LYPLAL1: variants seen among roughly 807,000 people sequenced by gnomAD.
The protein encoded by LYPLAL1 is lysophospholipase-like protein 1.
LYPLAL1 carries 23 observed loss-of-function variants against 19.7 expected under a neutral mutation model. That is an observed-to-expected ratio of 1.17 (90% CI 0.84 to 1.65). LYPLAL1 has a LOEUF of 1.65. Among genes scored for constraint, LYPLAL1 ranks in the 40% most tolerant of loss-of-function variants. LYPLAL1 has a pLI of 0.00. For synonymous variants in LYPLAL1, 119 were observed against 96.3 expected (o/e 1.24, Z -1.38); for missense variants, 355 against 279.4 (o/e 1.27, Z -1.93).
chr1:219,257,025 T>C, the LYPLAL1 span, among the ~76,000 whole-genome samples: 2 of 152,046 alleles, frequency 1.3e-5, no homozygotes, highest in African/African-American at 4.8e-5. Context: ...AAAACAAATA[T>C]GTATTTTGTT....
At chr1:219,326,102 C>T in the LYPLAL1 span, among the ~76,000 whole-genome samples, 22 of 152,044 alleles carry the variant, frequency 1.4e-4, no homozygotes, top group African/African-American at 4.3e-4. Context: ...ATAGTAGAGG[C>T]GGGGTTTCAC....
At chr1:219,258,500 C>T in the LYPLAL1 span, among the ~76,000 whole-genome samples, 35 of 152,146 alleles carry the variant, frequency 2.3e-4, no homozygotes, top group East Asian at 6.6e-3. Context: ...TTTTTACTTT[C>T]AACTATACTA....
At chr1:219,381,041 C>T in the LYPLAL1 span, among the ~76,000 whole-genome samples, 3 of 152,134 alleles carry the variant, frequency 2.0e-5, no homozygotes, top group Non-Finnish European at 4.4e-5. Context: ...CCAGCATCAG[C>T]TCTGATATGG....
intron 2 of LYPLAL1, among the ~76,000 whole-genome samples, chr1:219,185,236 G>T (rs979760698): frequency 6.6e-6 from 1 of 151,552 alleles, no homozygotes; most frequent in Non-Finnish European, 1.5e-5. Flanking sequence ...ATTTGTTGTT[G>T]ATAACTTTTA....
the LYPLAL1 span, among the ~76,000 whole-genome samples, chr1:219,249,730 C>T: frequency 9.9e-5 from 15 of 152,092 alleles, no homozygotes; most frequent in South Asian, 3.1e-3. Flanking sequence ...CATTTTAGCA[C>T]TTGTTGTTTT....
At chr1:219,331,310 T>G in the LYPLAL1 span, among the ~76,000 whole-genome samples, 1 of 152,148 alleles carries the variant, frequency 6.6e-6, no homozygotes, top group Non-Finnish European at 1.5e-5. Flanking sequence ...ACCACAATAA[T>G]GTCGCATAAT....
At chr1:219,268,648 T>C in the LYPLAL1 span, among the ~76,000 whole-genome samples, 1 of 152,186 alleles carries the variant, frequency 6.6e-6, no homozygotes, top group African/African-American at 2.4e-5. Flanking sequence ...AACAAGTCCA[T>C]ATATAAAGGC....
chr1:219,218,770 T>C, the LYPLAL1 span, among the ~76,000 whole-genome samples: 26 of 152,178 alleles, frequency 1.7e-4, no homozygotes, highest in African/African-American at 6.0e-4. Flanking sequence ...TTCTGCCATT[T>C]AGCTGCAATG....
chr1:219,296,074 G>A, the LYPLAL1 span, among the ~76,000 whole-genome samples: 1 of 152,084 alleles, frequency 6.6e-6, no homozygotes, highest in African/African-American at 2.4e-5. Flanking sequence ...ATAAATTAAT[G>A]CATACATGGT....
chr1:219,204,883 A>G (rs1658427232), intron 3 of LYPLAL1, among the ~76,000 whole-genome samples: 2 of 152,158 alleles, frequency 1.3e-5, no homozygotes. Flanking sequence ...TAGGATGTAT[A>G]GAACCTGACA....
At chr1:219,358,831 T>C in the LYPLAL1 span, among the ~76,000 whole-genome samples, 1 of 150,798 alleles carries the variant, frequency 6.6e-6, no homozygotes, top group South Asian at 2.1e-4. Context: ...TGCGTGTGTG[T>C]GTGCGTGTGT....
At chr1:219,361,428 A>G in the LYPLAL1 span, among the ~76,000 whole-genome samples, 4 of 152,134 alleles carry the variant, frequency 2.6e-5, no homozygotes, top group African/African-American at 9.7e-5. Flanking sequence ...CTATTGGAAC[A>G]GCTATATTTG....
chr1:219,381,062 TC>T, the LYPLAL1 span, among the ~76,000 whole-genome samples: 4 of 152,118 alleles, frequency 2.6e-5, no homozygotes, highest in African/African-American at 9.7e-5. Context: ...TTTAGCTGTG[TC>T]CCCACCCAAA....
the LYPLAL1 span, among the ~76,000 whole-genome samples, chr1:219,421,374 C>G: frequency 6.6e-6 from 1 of 152,110 alleles, no homozygotes; most frequent in Non-Finnish European, 1.5e-5. Context: ...AACATGAAGA[C>G]CCTATCTGAG....
At chr1:219,225,330 G>C in the LYPLAL1 span, 4 of 152,116 alleles carry the variant, frequency 2.6e-5, no homozygotes, top group Non-Finnish European at 5.9e-5. Context: ...TGGGTTTCTG[G>C]TGAGATTTAA....
At chr1:219,407,052 G>A in the LYPLAL1 span, among the ~76,000 whole-genome samples, 1 of 152,128 alleles carries the variant, frequency 6.6e-6, no homozygotes. Context: ...ATTGCAAAAT[G>A]GCGACTAGGC....
the LYPLAL1 span, among the ~76,000 whole-genome samples, chr1:219,241,130 CTCTCTATATATATA>C: frequency 1.4e-5 from 1 of 71,100 alleles, no homozygotes; most frequent in Non-Finnish European, 3.1e-5. Context: ...CTCTCTCTCT[CTCTCTATATATATA>C]TATATATATA....
the LYPLAL1 span, among the ~76,000 whole-genome samples, chr1:219,315,683 A>G: frequency 6.6e-6 from 1 of 152,194 alleles, no homozygotes; most frequent in Non-Finnish European, 1.5e-5. Context: ...GGTTTCACCC[A>G]TCTTTAGTTC....
chr1:219,223,643 G>C, the LYPLAL1 span, among the ~76,000 whole-genome samples: 2 of 152,102 alleles, frequency 1.3e-5, no homozygotes, highest in Admixed American at 6.6e-5. Flanking sequence ...ATGAATAGTG[G>C]ATGTTTTGTT....
Sources: gnomAD v4.1 joint callset for allele counts (sites outside exome capture counted in the v4.1 genomes callset) on GRCh38, gnomAD v4.1.1 for gene constraint, MANE v1.5 for transcripts, NCBI Gene and HGNC (gene_info 2026-07-23, HGNC 2026-07-21) for gene names.